Variants in C12orf42 observed in about 807,000 individuals in gnomAD.
The protein encoded by C12orf42 is uncharacterized protein C12orf42.
Under a neutral mutation model 21.6 loss-of-function variants are expected in C12orf42, and 25 were observed. The observed-to-expected ratio is 1.16, with a 90% CI of 0.84 to 1.62. The LOEUF (loss-of-function observed/expected upper bound fraction) is 1.62, where lower values mean the gene tolerates loss of function less well. Ranked by LOEUF, C12orf42 falls within the 40% of genes most tolerant of loss-of-function variation. The pLI, the probability that C12orf42 is intolerant of heterozygous loss-of-function variation, is 0.00. For synonymous variants in C12orf42, 174 were observed against 175.0 expected (o/e 0.99, Z 0.05); for missense variants, 483 against 459.3 (o/e 1.05, Z -0.47).
At chr12:103,435,360 G>A (rs1252034482) in intron 2 of C12orf42, among the ~76,000 whole-genome samples, 1 of 152,182 alleles carries the variant, frequency 6.6e-6, no homozygotes, top group Non-Finnish European at 1.5e-5. Context: ...TCCTCCAAAG[G>A]AACGCAGTTC....
intron 4 of C12orf42, among the ~76,000 whole-genome samples, chr12:103,288,794 A>AT (rs915650967): frequency 1.3e-5 from 2 of 152,140 alleles, no homozygotes; most frequent in African/African-American, 2.4e-5. Flanking sequence ...TCCTATAACT[A>AT]TTTTTTATTA....
intron 10 of C12orf42, among the ~76,000 whole-genome samples, chr12:103,247,190 T>G (rs1027553871): frequency 7.9e-5 from 12 of 152,034 alleles, no homozygotes; most frequent in African/African-American, 2.9e-4. Flanking sequence ...TCAATGGTCT[T>G]CATCTTAATA....
At position 103,401,588 on chromosome 12, in the gene C12orf42, T is replaced by G. The variant is rs878981908; in HGVS notation, c.147+19A>C. ...CGGCACTATGGAGCAGCCCTGCACATAACATTCCGCTGACTCACCTTTGCA... is the reference window on the plus strand; with the variant it reads ...CGGCACTATGGAGCAGCCCTGCACAGAACATTCCGCTGACTCACCTTTGCA... On this transcript the variant is annotated intron_variant, in intron 3 of 5. Transcript: ENST00000548883. 9 of 1,611,808 alleles carry G rather than the reference T, an allele frequency of 5.6e-6. No individual in the cohort carries two copies. In the South Asian group the frequency reaches 9.9e-5, roughly 18 times the overall value.
chr12:103,133,415 C>T, the C12orf42 span, among the ~76,000 whole-genome samples: 7 of 152,168 alleles, frequency 4.6e-5, no homozygotes, highest in Non-Finnish European at 7.3e-5. Context: ...CTTGGACTCA[C>T]TAACACCAAT....
At chr12:103,431,430 AC>A (rs1412348631) in intron 2 of C12orf42, 2 of 152,224 alleles carry the variant, frequency 1.3e-5, no homozygotes, top group African/African-American at 4.8e-5. Context: ...CCTATATGTC[AC>A]GGATGGTAAA....
chr12:103,381,269 C>A (rs1299753476), intron 3 of C12orf42, among the ~76,000 whole-genome samples: 1 of 152,138 alleles, frequency 6.6e-6, no homozygotes, highest in African/African-American at 2.4e-5. Flanking sequence ...TATGGAGAAT[C>A]CAAAAGATCT....
At chr12:103,345,430 T>C (rs1056452336) in intron 4 of C12orf42, among the ~76,000 whole-genome samples, 7 of 152,176 alleles carry the variant, frequency 4.6e-5, no homozygotes, top group Admixed American at 2.6e-4. Flanking sequence ...GATGATGTGC[T>C]CATCATTATT....
chr12:103,354,032 T>C (rs2043319510), intron 4 of C12orf42, among the ~76,000 whole-genome samples: 1 of 152,196 alleles, frequency 6.6e-6, no homozygotes. Flanking sequence ...AAACCTAGCA[T>C]GAAGTATACG....
At chr12:103,277,191 G>C (rs777799812) in exon 5 of C12orf42, 1 of 454,300 alleles carries the variant, frequency 2.2e-6, no homozygotes, top group South Asian at 1.6e-5. Context: ...ATTTCTGTGT[G>C]GCCTGTCCAT....
chr12:103,104,850 C>T, the C12orf42 span, among the ~76,000 whole-genome samples: 1 of 152,202 alleles, frequency 6.6e-6, no homozygotes, highest in Non-Finnish European at 1.5e-5. Flanking sequence ...GGGGCTGCCC[C>T]ACCACACAGG....
At chr12:103,228,194 C>T in the C12orf42 span, among the ~76,000 whole-genome samples, 13 of 151,908 alleles carry the variant, frequency 8.6e-5, no homozygotes, top group African/African-American at 3.1e-4. Context: ...CGGGCTGAGT[C>T]CAAAAGAGAG....
the C12orf42 span, among the ~76,000 whole-genome samples, chr12:103,154,298 T>G: frequency 8.2e-4 from 125 of 152,230 alleles, no homozygotes; most frequent in African/African-American, 2.9e-3. Context: ...CATCAACCTA[T>G]GTAATTGTGA....
the C12orf42 span, among the ~76,000 whole-genome samples, chr12:103,536,046 G>A: frequency 6.6e-6 from 1 of 152,186 alleles, no homozygotes; most frequent in Non-Finnish European, 1.5e-5. Context: ...CTCCCAAAGT[G>A]CTAGGATTAC....
chr12:103,433,829 G>A (rs926714914), intron 2 of C12orf42, among the ~76,000 whole-genome samples: 1 of 152,116 alleles, frequency 6.6e-6, no homozygotes, highest in Admixed American at 6.5e-5. Context: ...TTGTATTGAT[G>A]AATGACTTAA....
chr12:103,061,277 C>G, the C12orf42 span, among the ~76,000 whole-genome samples: 1 of 152,198 alleles, frequency 6.6e-6, no homozygotes, highest in Non-Finnish European at 1.5e-5. Flanking sequence ...TCTTCTTCGA[C>G]ATTTCCCATT....
chr12:103,447,676 C>T (rs1951665389), intron 2 of C12orf42, among the ~76,000 whole-genome samples: 1 of 151,828 alleles, frequency 6.6e-6, no homozygotes, highest in South Asian at 2.1e-4. Flanking sequence ...AAATCAAGAA[C>T]TCAACCCCTT....
the C12orf42 span, among the ~76,000 whole-genome samples, chr12:103,226,263 C>A: frequency 6.6e-6 from 1 of 152,204 alleles, no homozygotes; most frequent in South Asian, 2.1e-4. Context: ...CAAGGAATTG[C>A]AACTTTTTTC....
At chr12:103,225,725 G>A in the C12orf42 span, among the ~76,000 whole-genome samples, 1 of 152,178 alleles carries the variant, frequency 6.6e-6, no homozygotes, top group African/African-American at 2.4e-5. Context: ...TGGCACCAGA[G>A]TTGGGGAGTT....
chr12:103,232,398 T>C, the C12orf42 span, among the ~76,000 whole-genome samples: 1 of 152,070 alleles, frequency 6.6e-6, no homozygotes, highest in Admixed American at 6.6e-5. Flanking sequence ...GCCATGTACA[T>C]TTCTCTCATG....
Sources: allele counts gnomAD v4.1 joint callset (sites outside exome capture counted in the v4.1 genomes callset), GRCh38; gene constraint gnomAD v4.1.1; transcripts MANE v1.5; gene names NCBI Gene and HGNC (gene_info 2026-07-23, HGNC 2026-07-21).